RPP40: variants seen among roughly 807,000 people sequenced by gnomAD.
RPP40 encodes the protein ribonuclease P/MRP subunit p40.
Under a neutral mutation model 42.5 loss-of-function variants are expected in RPP40, and 30 were observed. The ratio of observed to expected loss-of-function variants is 0.71; its 90% CI spans 0.53 to 0.96. The LOEUF is 0.96. RPP40 is among the 40% of genes least tolerant of loss of function. The probability of loss-of-function intolerance (pLI) is 0.00; values close to 1 mark genes in which losing one functional copy is unlikely to be tolerated. For synonymous variants in RPP40, 173 were observed against 164.0 expected (o/e 1.05, Z -0.42); for missense variants, 426 against 433.5 (o/e 0.98, Z 0.15).
chr6:4,996,943 T>C (rs1389048096), intron 5 of RPP40, among the ~76,000 whole-genome samples: 2 of 152,196 alleles, frequency 1.3e-5, no homozygotes, highest in Non-Finnish European at 2.9e-5. Flanking sequence ...AAGGGCAGGC[T>C]TGCTTACTGT....
Position 4,999,834 on chromosome 6 carries a change from A to C in RPP40, c.408T>G (p.Phe136Leu), listed in dbSNP as rs1251857574. 3 of 1,604,308 alleles carry C rather than the reference A, an allele frequency of 1.9e-6. No individual in the cohort carries two copies. Among genetic ancestry groups the C allele is most frequent in the African/African-American group, 1.3e-5 (1 of 74,708 alleles). ...TAAATTTCATAATTTTTCTGCCAGA[A>C]AACTGAGATGGATGACCCTGAAGTC... Reference protein sequence around the residue: ...ETGLQGHPSQFSGRKIMKFIV... With the variant: ...ETGLQGHPSQLSGRKIMKFIV... Residue 136 changes from phenylalanine (F) to leucine (L), a missense_variant, in exon 4 of 8, where the codon TTT becomes TTG. Physicochemically the swap from Phe to Leu is conservative, Grantham distance 22. Coordinates refer to ENST00000380051, the MANE Select transcript of RPP40 (RefSeq NM_006638.4).
chr6:5,003,334 G>T (rs1315341039), intron 1 of RPP40, among the ~76,000 whole-genome samples: 1 of 83,748 alleles, frequency 1.2e-5, no homozygotes, highest in Non-Finnish European at 2.1e-5. Context: ...GCGACAGAGC[G>T]AAACTCCGTC....
At chr6:4,988,863 T>C in the RPP40 span, among the ~76,000 whole-genome samples, 2 of 152,366 alleles carry the variant, frequency 1.3e-5, no homozygotes, top group African/African-American at 4.8e-5. Flanking sequence ...CATATGGTAA[T>C]TTCATGTTTT....
At chr6:5,003,709 C>A (rs114358896) in intron 1 of RPP40, 171 bp downstream of exon 1, 20 of 785,914 alleles carry the variant, frequency 2.5e-5, no homozygotes, top group Non-Finnish European at 3.8e-5. Context: ...GCCCTGCAAG[C>A]CACTGGCTTA....
At position 4,995,184 on chromosome 6, in the gene RPP40, T is replaced by C. The variant is rs775544529; in HGVS notation, c.986A>G (p.His329Arg). The C allele has an allele frequency of 6.2e-7, 1 of 1,614,016 alleles. No individual in the cohort carries two copies. ...ATGTTCTCCTCCTTTTCGAAAACCA[T>C]GTTCATTTTTTTCCCAAGAAACAGG... is the stretch of plus-strand genomic sequence containing the variant. ...DSPVSWEKNE[H>R]GFRKGGEHLY... is the part of the protein sequence containing the mutation. Residue 329 changes from histidine (H) to arginine (R), a missense_variant, in exon 8 of 8, where the codon CAT becomes CGT. Transcript: ENST00000380051.
intron 5 of RPP40, among the ~76,000 whole-genome samples, chr6:4,997,549 C>G (rs1747103755): frequency 6.6e-6 from 1 of 152,204 alleles, no homozygotes; most frequent in South Asian, 2.1e-4. Flanking sequence ...CTGAGCCAGG[C>G]TACCAGCATC....
intron 7 of RPP40, 115 bp downstream of exon 7, chr6:4,995,835 TC>T: frequency 1.0e-6 from 1 of 958,912 alleles, no homozygotes; most frequent in South Asian, 1.8e-5. Flanking sequence ...CGATTTGAGT[TC>T]CTTTCAATGT....
chr6:5,000,493 T>C, intron 3 of RPP40, 70 bp downstream of exon 3: 1 of 902,274 alleles, frequency 1.1e-6, no homozygotes, highest in Non-Finnish European at 1.7e-6. Context: ...CAGCTGACTT[T>C]TTTTTTTTTT....
At chr6:5,003,759 G>GGGCCCCGCCCCTCCGCGTACCGCCGGC in intron 1 of RPP40, 121 bp downstream of exon 1, 4 of 1,308,036 alleles carry the variant, frequency 3.1e-6, no homozygotes, top group Non-Finnish European at 4.1e-6. Context: ...AGCCGGGCGA[G>GGGCCCCGCCCCTCCGCGTACCGCCGGC]GGCCCCGCCC....
intron 2 of RPP40, 85 bp from the exon 3 acceptor site, chr6:5,000,716 G>T: frequency 1.2e-6 from 1 of 866,924 alleles, no homozygotes; most frequent in Non-Finnish European, 1.9e-6. Flanking sequence ...AAGATAACCA[G>T]TCTTCCGGGT....
At chr6:4,999,154 G>A (rs1581321648) in intron 4 of RPP40, among the ~76,000 whole-genome samples, 1 of 40,504 alleles carries the variant, frequency 2.5e-5, no homozygotes, top group Admixed American at 3.0e-4. Context: ...ATTGATGTTC[G>A]AGCCAGACGC....
At chr6:4,988,968 T>G in the RPP40 span, among the ~76,000 whole-genome samples, 3 of 152,380 alleles carry the variant, frequency 2.0e-5, no homozygotes, top group Middle Eastern at 3.4e-3. Context: ...TTCAGCATAG[T>G]TGTCAGAATT....
chr6:4,995,461 ATTAAC>A (rs1759344442), intron 7 of RPP40, among the ~76,000 whole-genome samples, 185 bp from the exon 8 acceptor site: 1 of 152,192 alleles, frequency 6.6e-6, no homozygotes, highest in Non-Finnish European at 1.5e-5. Context: ...CTCCATAAGG[ATTAAC>A]TAATATACAA....
rs563390366 is a variant in RPP40, at chr6:4,999,163, G to A, written c.434-322C>T. ...TTAGCTATTGATGTTCGAGCCAGACGCTGTCAGCAAAACATCTCTTCACTC... is the reference window on the plus strand; with the variant it reads ...TTAGCTATTGATGTTCGAGCCAGACACTGTCAGCAAAACATCTCTTCACTC... On this transcript the variant is annotated intron_variant, in intron 4 of 7. Coordinates refer to ENST00000380051, the MANE Select transcript of RPP40 (RefSeq NM_006638.4). Among the ~76,000 whole-genome samples the A allele has an allele frequency of 2.0e-3, 304 of 152,138 alleles. 2 individuals carry two copies. Among genetic ancestry groups the A allele is most frequent in the African/African-American group, 6.0e-3 (249 of 41,506 alleles).
chr6:5,001,882 C>T (rs563653943), intron 2 of RPP40: 3 of 469,746 alleles, frequency 6.4e-6, no homozygotes, highest in Admixed American at 7.3e-5. Flanking sequence ...TACAACATCC[C>T]CATCCAACAC....
downstream of RPP40, among the ~76,000 whole-genome samples, chr6:4,990,818 ACTT>A (rs534008682): frequency 3.3e-5 from 5 of 151,994 alleles, no homozygotes; most frequent in Non-Finnish European, 7.4e-5. Flanking sequence ...TGTAATTTCA[ACTT>A]CTTTAACAGA....
At chr6:4,997,004 C>T (rs1267788058) in intron 5 of RPP40, among the ~76,000 whole-genome samples, 2 of 152,234 alleles carry the variant, frequency 1.3e-5, no homozygotes, top group African/African-American at 2.4e-5. Context: ...CAGATATCAG[C>T]AGGCTTACTG....
chr6:5,002,587 T>C (rs1165770819), intron 1 of RPP40, among the ~76,000 whole-genome samples: 1 of 152,254 alleles, frequency 6.6e-6, no homozygotes, highest in Non-Finnish European at 1.5e-5. Flanking sequence ...CAAGGAAATA[T>C]AGTATAATTG....
the RPP40 span, among the ~76,000 whole-genome samples, chr6:4,988,473 G>C: frequency 6.6e-6 from 1 of 152,054 alleles, no homozygotes; most frequent in Non-Finnish European, 1.5e-5. Flanking sequence ...CAGCCACACT[G>C]ACCCCTCCCC....
Sources: allele counts gnomAD v4.1 joint callset (sites outside exome capture counted in the v4.1 genomes callset), GRCh38; gene constraint gnomAD v4.1.1; transcripts MANE v1.5; gene names NCBI Gene and HGNC (gene_info 2026-07-23, HGNC 2026-07-21).